Variants in CBX5 observed in about 807,000 individuals in gnomAD.
The protein encoded by CBX5 is chromobox 5, also known as chromobox protein homolog 5.
Under a neutral mutation model 20.7 loss-of-function variants are expected in CBX5, and 7 were observed. The ratio of observed to expected loss-of-function variants is 0.34; its 90% confidence interval spans 0.19 to 0.63. CBX5 has a LOEUF of 0.63. CBX5 is among the 30% of genes least tolerant of loss of function. The pLI, the probability that CBX5 is intolerant of heterozygous loss-of-function variation, is 0.75. For synonymous variants in CBX5, 78 were observed against 77.0 expected (o/e 1.01, Z -0.07); for missense variants, 110 against 224.1 (o/e 0.49, Z 3.25).
intron 3 of CBX5, among the ~76,000 whole-genome samples, chr12:54,251,802 A>AT (rs1452778537): frequency 6.6e-6 from 1 of 152,300 alleles, no homozygotes; most frequent in East Asian, 1.9e-4. Flanking sequence ...GTGGTTTAAC[A>AT]TTTTACAAAG....
chr12:54,261,285 G>A (rs1943914209), intron 1 of CBX5, among the ~76,000 whole-genome samples: 1 of 150,924 alleles, frequency 6.6e-6, no homozygotes, highest in Non-Finnish European at 1.5e-5. Flanking sequence ...GACCAAAGTA[G>A]AAATTTTTTT....
intron 1 of CBX5, chr12:54,259,362 T>C (rs1186209945): frequency 2.0e-5 from 3 of 152,258 alleles, no homozygotes; most frequent in African/African-American, 7.2e-5. Context: ...ATTGTGGCTA[T>C]GGCCTCCCCT....
At chr12:54,268,636 T>C (rs533409183) in intron 1 of CBX5, among the ~76,000 whole-genome samples, 2 of 152,336 alleles carry the variant, frequency 1.3e-5, no homozygotes, top group East Asian at 1.9e-4. Context: ...CTAAAAAGTG[T>C]CAAGCATTGC....
In CBX5 at chr12:54,235,920, A is replaced by T. The variant is rs1427151464; in HGVS notation, c.*5835T>A. ...TTAATGCTTTCCACAAGCAAAGATT[A>T]ACTCTACCACTACTTTGGCCAAGAA... On this transcript the variant is annotated 3_prime_UTR_variant, in exon 5 of 5. Coordinates refer to ENST00000209875, the MANE Select transcript of CBX5 (RefSeq NM_012117.3). The T allele has an allele frequency of 6.6e-6, 1 of 152,240 alleles. No individual in the cohort carries two copies. The highest frequency in any genetic ancestry group is 1.5e-5 in the Non-Finnish European group (1 of 68,034). 9.4% of individuals were successfully genotyped at this position (152,240 alleles called of 1,614,324 possible).
chr12:54,275,596 A>G (rs1048581550), intron 1 of CBX5, among the ~76,000 whole-genome samples: 1 of 152,144 alleles, frequency 6.6e-6, no homozygotes, highest in African/African-American at 2.4e-5. Flanking sequence ...TAGAGGCCCA[A>G]CACGTATCAC....
At chr12:54,277,984 G>A (rs1398446609) in intron 1 of CBX5, among the ~76,000 whole-genome samples, 1 of 152,096 alleles carries the variant, frequency 6.6e-6, no homozygotes, top group African/African-American at 2.4e-5. Context: ...GAGTAGCTGG[G>A]ACTACAGGAA....
chr12:54,266,459 T>A (rs1372432557), intron 1 of CBX5, among the ~76,000 whole-genome samples: 8 of 152,168 alleles, frequency 5.3e-5, no homozygotes, highest in African/African-American at 1.9e-4. Flanking sequence ...TGCCATGGCT[T>A]ACACCTATAA....
At position 54,245,581 on chromosome 12, in the gene CBX5, C is replaced by T. The variant is rs1943726659; in HGVS notation, c.425+534G>A. 2.6e-5 allele frequency among the ~76,000 whole-genome samples: 4 copies of T among 151,884 alleles called. No individual in the cohort carries two copies. In the South Asian group the frequency reaches 6.2e-4, roughly 24 times the overall value. ...CCGAGGCAGGCGGATTACTTGAGGT[C>T]GGGAGTTTGAGACCAGCCTGACCAA... is the stretch of plus-strand genomic sequence containing the variant. On this transcript the variant is annotated intron_variant, in intron 4 of 4. Transcript: ENST00000209875.
intron 1 of CBX5, chr12:54,258,263 G>A (rs985667472): frequency 2.0e-5 from 3 of 152,158 alleles, no homozygotes; most frequent in Admixed American, 6.6e-5. Flanking sequence ...TCCCTTCAGA[G>A]CATCCATCAG....
At position 54,241,792 on chromosome 12, in the gene CBX5, T is replaced by C; in HGVS notation, c.539A>G (p.Asp180Gly). 1.9e-6 allele frequency: 3 copies of C among 1,612,846 alleles called. No homozygotes were observed. The highest frequency in any genetic ancestry group is 2.5e-6 in the Non-Finnish European group (3 of 1,179,814). Reference protein sequence around the residue: ...ERLTWHAYPEDAENKEKETAK... With the variant: ...ERLTWHAYPEGAENKEKETAK... The stretch of plus-strand genomic sequence containing the variant: ...TGTTTCTTTCTCTTTGTTTTCCGCA[T>C]CCTCAGGATATGCATGCCATGTCAG... Residue 180 changes from aspartate (D) to glycine (G), a missense_variant, in exon 5 of 5, where the codon GAT becomes GGT. Coordinates refer to ENST00000209875, the MANE Select transcript of CBX5 (RefSeq NM_012117.3).
chr12:54,269,761 G>C (rs572397238), intron 1 of CBX5, among the ~76,000 whole-genome samples: 1 of 152,120 alleles, frequency 6.6e-6, no homozygotes, highest in East Asian at 1.9e-4. Flanking sequence ...GGGCTAGTAA[G>C]GTTCTGACGT....
chr12:54,250,234 A>T (rs755441112), intron 3 of CBX5, among the ~76,000 whole-genome samples: 17 of 152,096 alleles, frequency 1.1e-4, no homozygotes, highest in Admixed American at 8.5e-4. Flanking sequence ...AAAAAAATAA[A>T]TAAAAAATAA....
rs1943732902 is a variant in CBX5, at chr12:54,246,104, ATC to A, written c.425+9_425+10del. The A allele has an allele frequency of 6.3e-7, 1 of 1,588,808 alleles. No homozygotes were observed. The highest frequency in any genetic ancestry group is 8.6e-7 in the Non-Finnish European group (1 of 1,157,226). Reference sequence around the variant, plus strand: ...AAACACAATTGTAAAGCGAAGCCAAATCTCTCTCACCATTTCATTAGGAACAT... The same window carrying A: ...AAACACAATTGTAAAGCGAAGCCAAATCTCTCACCATTTCATTAGGAACAT... On this transcript the variant is annotated intron_variant, in intron 4 of 4. Coordinates refer to ENST00000209875, the MANE Select transcript of CBX5 (RefSeq NM_012117.3).
rs532802685 is a variant in CBX5, at chr12:54,257,773, G to GAT, written c.-42-83_-42-82dup. The GAT allele has an allele frequency of 3.9e-4, 389 of 1,000,632 alleles. 1 individual carries two copies. Among genetic ancestry groups the GAT allele is most frequent in the Middle Eastern group, 3.6e-3 (13 of 3,588 alleles). The allele number at this position is 1,000,632 out of a possible 1,614,324, so 62.0% of individuals were successfully genotyped here. On this transcript the variant is annotated intron_variant, in intron 1 of 4. Transcript: ENST00000209875. The stretch of plus-strand genomic sequence containing the variant: ...TCTTTTCTTGATGGGATGAAAAGGG[G>GAT]ATAACACTGAGTTGCCATGTGCCCT...
chr12:54,250,160 G>A (rs1164910428), intron 3 of CBX5, among the ~76,000 whole-genome samples: 4 of 152,046 alleles, frequency 2.6e-5, no homozygotes, highest in Admixed American at 6.6e-5. Context: ...GAGATGGAGG[G>A]TGCAGTGAGC....
chr12:54,263,825 C>T (rs557904051), intron 1 of CBX5, among the ~76,000 whole-genome samples: 3 of 146,278 alleles, frequency 2.1e-5, no homozygotes, highest in South Asian at 2.2e-4. Context: ...CAGTGGCTCA[C>T]GAGGTCAGGA....
intron 1 of CBX5, chr12:54,278,722 T>C (rs1219944416): frequency 6.6e-6 from 1 of 152,174 alleles, no homozygotes; most frequent in African/African-American, 2.4e-5. Flanking sequence ...TCGAAGGAAA[T>C]CTAATTAAAA....
At chr12:54,266,500 G>A (rs1206891804) in intron 1 of CBX5, among the ~76,000 whole-genome samples, 1 of 152,146 alleles carries the variant, frequency 6.6e-6, no homozygotes, top group Non-Finnish European at 1.5e-5. Flanking sequence ...GAGGCAGGAG[G>A]ACAGCTTAGG....
chr12:54,246,243 C>A (rs1279369075), intron 3 of CBX5, 28 bp from the exon 4 acceptor site: 2 of 1,538,990 alleles, frequency 1.3e-6, no homozygotes, highest in Non-Finnish European at 1.8e-6. Context: ...AGAAAGGTTA[C>A]AGCTTGTGGA....
Sources: gnomAD v4.1 joint callset for allele counts (sites outside exome capture counted in the v4.1 genomes callset) on GRCh38, gnomAD v4.1.1 for gene constraint, MANE v1.5 for transcripts, NCBI Gene and HGNC (gene_info 2026-07-23, HGNC 2026-07-21) for gene names.